The following PHAF1 variants were observed in gnomAD, a reference collection of about 807,000 sequenced individuals.
PHAF1 encodes the protein phagophore assembly factor 1.
PHAF1 carries 23 observed loss-of-function variants against 63.1 expected under a neutral mutation model. That is an observed-to-expected ratio of 0.36 (90% CI 0.26 to 0.52). PHAF1 has a LOEUF of 0.52. PHAF1 is among the 20% of genes least tolerant of loss of function. The pLI is 0.93. For missense variants in PHAF1, 427 were observed against 517.2 expected (o/e 0.83, Z 1.69); for synonymous variants, 167 against 185.0 (o/e 0.90, Z 0.79).
Position 67,140,586 on chromosome 16 carries a change from C to A in PHAF1, c.871C>A (p.Leu291Ile). 3 of 1,586,546 alleles carry A rather than the reference C, an allele frequency of 1.9e-6. No individual in the cohort carries two copies. The highest frequency in any genetic ancestry group is 2.7e-5 in the African/African-American group (2 of 74,404). Reference sequence around the variant, plus strand: ...TGACTACTTTTTTAACTACTTCACTCTTGGAGTGGTAAGTTGTGATTCCTC... The same window carrying A: ...TGACTACTTTTTTAACTACTTCACTATTGGAGTGGTAAGTTGTGATTCCTC... ...CNDYFFNYFT[L>I]GVDILFDANT... Residue 291 changes from leucine (L) to isoleucine (I), a missense_variant, in exon 10 of 16, where the codon CTT becomes ATT. Physicochemically the swap from Leu to Ile is conservative, Grantham distance 5 (BLOSUM62 2). Coordinates refer to ENST00000219139, the MANE Select transcript of PHAF1 (RefSeq NM_025187.5).
chr16:67,142,010 A>C (rs1372219175), intron 10 of PHAF1, among the ~76,000 whole-genome samples: 1 of 152,234 alleles, frequency 6.6e-6, no homozygotes, highest in Non-Finnish European at 1.5e-5. Context: ...AGAATGAGGT[A>C]TGCAGACAGC....
At position 67,148,419 on chromosome 16, in the gene PHAF1, G is replaced by C. The variant is rs2030294582; in HGVS notation, c.*1288G>C. 4 of 152,616 alleles carry C rather than the reference G, an allele frequency of 2.6e-5. No individual in the cohort carries two copies. Among genetic ancestry groups the C allele is most frequent in the Admixed American group, 2.6e-4 (4 of 15,280 alleles). The allele number at this position is 152,616 out of a possible 1,614,324, so 9.5% of individuals were successfully genotyped here. ...CCCACTGTCAGGGGCAGCCAGGACT[G>C]TTCCCATCCTCCTGGAATGGGGGAA... On this transcript the variant is annotated 3_prime_UTR_variant, in exon 16 of 16. Coordinates refer to ENST00000219139, the MANE Select transcript of PHAF1 (RefSeq NM_025187.5).
intron 14 of PHAF1, 151 bp from the exon 15 acceptor site, chr16:67,146,127 A>C (rs2030035784): frequency 1.3e-6 from 1 of 759,080 alleles, no homozygotes; most frequent in Non-Finnish European, 2.3e-6. Flanking sequence ...CCCTACCCCT[A>C]GGATCTTGCA....
intron 13 of PHAF1, 72 bp downstream of exon 13, chr16:67,145,491 T>C: frequency 1.2e-6 from 2 of 1,612,730 alleles, no homozygotes; most frequent in South Asian, 1.1e-5. Flanking sequence ...AGTATGGGGC[T>C]GTGTCCTCTA....
chr16:67,111,027 G>A (rs1962492560), intron 1 of PHAF1, among the ~76,000 whole-genome samples: 2 of 152,130 alleles, frequency 1.3e-5, no homozygotes, highest in African/African-American at 4.8e-5. Context: ...GACCAGGCTG[G>A]CTGGTTTCGA....
Position 67,139,967 on chromosome 16 carries a change from T to C in PHAF1, c.662-17T>C. On this transcript the variant is annotated splice_polypyrimidine_tract_variant and intron_variant, in intron 8 of 15. Transcript: ENST00000219139. ...CCTAACCATAACCTGACAACCTCTC[T>C]GTCTTGTTTTTTGCAGGTTGTGGAC... 6.2e-7 allele frequency: 1 copy of C among 1,614,028 alleles called. No homozygotes were observed. The highest frequency in any genetic ancestry group is 8.5e-7 in the Non-Finnish European group (1 of 1,179,954).
At chr16:67,137,138 G>C (rs1055515085) in intron 8 of PHAF1, among the ~76,000 whole-genome samples, 89 of 149,942 alleles carry the variant, frequency 5.9e-4, no homozygotes, top group African/African-American at 2.1e-3. Flanking sequence ...CTGAGCGACA[G>C]AGCAAGACTC....
intron 8 of PHAF1, chr16:67,134,784 C>A: frequency 2.0e-6 from 1 of 489,620 alleles, no homozygotes; most frequent in Non-Finnish European, 4.0e-6. Flanking sequence ...GCACTGATCT[C>A]AATCCTGAGG....
At chr16:67,139,784 A>G (rs1963738211) in intron 8 of PHAF1, 200 bp from the exon 9 acceptor site, 2 of 588,780 alleles carry the variant, frequency 3.4e-6, no homozygotes, top group Non-Finnish European at 6.0e-6. Flanking sequence ...GGGGGATTGA[A>G]TAAGTCCCTG....
Position 67,134,173 on chromosome 16 carries a change from T to C in PHAF1, c.456T>C (p.Asn152=). 1 of 1,613,638 alleles carries C rather than the reference T, an allele frequency of 6.2e-7. No individual in the cohort carries two copies. The highest frequency in any genetic ancestry group is 8.5e-7 in the Non-Finnish European group (1 of 1,179,652). The change falls in exon 7 of 16, where the codon AAT becomes AAC. Residue 152 remains asparagine (N), a synonymous_variant. Coordinates refer to ENST00000219139, the MANE Select transcript of PHAF1 (RefSeq NM_025187.5). ...SWTEAPKYEP[N]FAHGLASLQI... ...CTCTTGACCTTTGTTTGCAGCCCAA[T>C]TTTGCCCATGGCCTGGCTTCTCTCC...
At chr16:67,133,157 A>G (rs1389105517) in intron 6 of PHAF1, among the ~76,000 whole-genome samples, 2 of 152,200 alleles carry the variant, frequency 1.3e-5, no homozygotes, top group Non-Finnish European at 2.9e-5. Flanking sequence ...CTCACTTTTC[A>G]GAGATAAGTT....
chr16:67,110,089 G>C lies in PHAF1; in HGVS notation c.-87G>C. ...GGGGCTGTGGCGGGCCGGCGGGGGCGGCCTGTCAGCCGCTGCTTTGTCTCC... is the reference window on the plus strand; with the variant it reads ...GGGGCTGTGGCGGGCCGGCGGGGGCCGCCTGTCAGCCGCTGCTTTGTCTCC... On this transcript the variant is annotated 5_prime_UTR_variant, in exon 1 of 16. Coordinates refer to ENST00000219139, the MANE Select transcript of PHAF1 (RefSeq NM_025187.5). 7.1e-7 allele frequency: 1 copy of C among 1,407,200 alleles called. No individual in the cohort carries two copies. Among genetic ancestry groups the C allele is most frequent in the Non-Finnish European group, 9.6e-7 (1 of 1,042,530 alleles). 87.2% of individuals were successfully genotyped at this position (1,407,200 alleles called of 1,614,324 possible).
intron 2 of PHAF1, among the ~76,000 whole-genome samples, chr16:67,123,342 C>G (rs984624484): frequency 6.6e-6 from 1 of 151,852 alleles, no homozygotes; most frequent in Non-Finnish European, 1.5e-5. Flanking sequence ...TTTAGGAGGC[C>G]GAGACGGGCA....
At chr16:67,115,349 G>A (rs1260893233) in intron 1 of PHAF1, among the ~76,000 whole-genome samples, 1 of 152,224 alleles carries the variant, frequency 6.6e-6, no homozygotes, top group Non-Finnish European at 1.5e-5. Context: ...GTGTGACCAA[G>A]ACCTAAAGTG....
At chr16:67,114,813 G>C (rs925053106) in intron 1 of PHAF1, among the ~76,000 whole-genome samples, 1 of 152,224 alleles carries the variant, frequency 6.6e-6, no homozygotes, top group Non-Finnish European at 1.5e-5. Flanking sequence ...GGAAGAACTG[G>C]ATTTGGAGAG....
chr16:67,131,420 C>A, intron 4 of PHAF1, 91 bp downstream of exon 4: 2 of 951,446 alleles, frequency 2.1e-6, no homozygotes, highest in African/African-American at 1.7e-5. Flanking sequence ...TCACATCTGT[C>A]ACAGATGTGA....
At chr16:67,127,990 A>G (rs1015236940) in intron 3 of PHAF1, among the ~76,000 whole-genome samples, 1 of 152,232 alleles carries the variant, frequency 6.6e-6, no homozygotes, top group Non-Finnish European at 1.5e-5. Flanking sequence ...CCAGCAGCCC[A>G]TAAAATCACA....
At chr16:67,112,513 G>T (rs541501420) in intron 1 of PHAF1, among the ~76,000 whole-genome samples, 58 of 151,846 alleles carry the variant, frequency 3.8e-4, no homozygotes, top group Admixed American at 1.2e-3. Context: ...GTGATCCTGG[G>T]TGACAGAGAG....
intron 2 of PHAF1, among the ~76,000 whole-genome samples, chr16:67,124,739 T>C (rs1229954768): frequency 2.0e-5 from 3 of 151,870 alleles, no homozygotes; most frequent in African/African-American, 7.3e-5. Flanking sequence ...CCATCTGTAC[T>C]AAAAATACAA....
Sources: gnomAD v4.1 joint callset for allele counts (sites outside exome capture counted in the v4.1 genomes callset) on GRCh38, gnomAD v4.1.1 for gene constraint, MANE v1.5 for transcripts, NCBI Gene and HGNC (gene_info 2026-07-23, HGNC 2026-07-21) for gene names.